SCAPER: variants seen among roughly 807,000 people sequenced by gnomAD.
SCAPER encodes the protein S phase cyclin A-associated protein in the endoplasmic reticulum.
SCAPER carries 98 observed loss-of-function variants against 182.2 expected under a neutral mutation model. The observed-to-expected ratio is 0.54, with a 90% CI of 0.46 to 0.64. The LOEUF is 0.64. SCAPER is among the 30% of genes least tolerant of loss of function. The probability of loss-of-function intolerance (pLI) is 0.00; values close to 1 mark genes in which losing one functional copy is unlikely to be tolerated. For synonymous variants in SCAPER, 605 were observed against 564.6 expected (o/e 1.07, Z -1.01); for missense variants, 1,432 against 1,690.0 (o/e 0.85, Z 2.68).
chr15:76,781,002 G>A (rs111327464), intron 8 of SCAPER, among the ~76,000 whole-genome samples: 11 of 152,252 alleles, frequency 7.2e-5, no homozygotes, highest in East Asian at 3.9e-4. Context: ...ACAGCTCCCC[G>A]CCAGCAATGG....
intron 25 of SCAPER, among the ~76,000 whole-genome samples, chr15:76,457,976 G>C (rs74643122): frequency 6.6e-6 from 1 of 151,696 alleles, no homozygotes; most frequent in South Asian, 2.1e-4. Flanking sequence ...ATTCTCGGAG[G>C]TGTATATATA....
chr15:76,511,073 T>C (rs1455556704), intron 23 of SCAPER, among the ~76,000 whole-genome samples: 1 of 152,128 alleles, frequency 6.6e-6, no homozygotes, highest in Admixed American at 6.5e-5. Context: ...GGCATAAGAA[T>C]GATACAATGA....
At chr15:76,709,292 C>T (rs549112797) in intron 17 of SCAPER, among the ~76,000 whole-genome samples, 2 of 151,996 alleles carry the variant, frequency 1.3e-5, no homozygotes, top group Non-Finnish European at 2.9e-5. Flanking sequence ...CCACCATGCA[C>T]GCCCAGCTAA....
At chr15:76,583,275 C>T (rs901437308) in intron 22 of SCAPER, among the ~76,000 whole-genome samples, 1 of 149,402 alleles carries the variant, frequency 6.7e-6, no homozygotes, top group African/African-American at 2.5e-5. Context: ...TGCTTGAACC[C>T]GGAAGGCAGA....
intron 7 of SCAPER, 119 bp downstream of exon 7, chr15:76,800,129 G>A (rs1036061738): frequency 4.2e-6 from 1 of 238,722 alleles, no homozygotes; most frequent in African/African-American, 2.3e-5. Flanking sequence ...CCTGTATACA[G>A]TATTCTGCAT....
intron 22 of SCAPER, among the ~76,000 whole-genome samples, chr15:76,606,569 C>A (rs1419824960): frequency 6.6e-6 from 1 of 151,614 alleles, no homozygotes; most frequent in African/African-American, 2.4e-5. Flanking sequence ...CCTGGATATC[C>A]TTGTTAACTT....
chr15:76,740,693 T>C lies in SCAPER; in HGVS notation c.1867-7309A>G, dbSNP rs140226656. 1.5e-3 allele frequency among the ~76,000 whole-genome samples: 233 copies of C among 152,240 alleles called. 2 individuals carry two copies. Among genetic ancestry groups the C allele is most frequent in the African/African-American group, 5.0e-3 (209 of 41,556 alleles). On this transcript the variant is annotated intron_variant, in intron 15 of 31. Coordinates refer to ENST00000563290, the MANE Select transcript of SCAPER (RefSeq NM_020843.4). Reference sequence around the variant, plus strand: ...CAAGGGACAGAGCATATATGAGCTTTTCCTAGAAAAAAGTTTTTTTCTTAA... The same window carrying C: ...CAAGGGACAGAGCATATATGAGCTTCTCCTAGAAAAAAGTTTTTTTCTTAA...
intron 20 of SCAPER, among the ~76,000 whole-genome samples, chr15:76,682,762 C>A (rs1231614292): frequency 1.3e-5 from 2 of 152,146 alleles, no homozygotes; most frequent in Non-Finnish European, 2.9e-5. Context: ...ACTAGCCCCC[C>A]AGAGTTACAG....
At position 76,602,009 on chromosome 15, in the gene SCAPER, T is replaced by C. The variant is rs190343685; in HGVS notation, c.2711+19755A>G. Among the ~76,000 whole-genome samples, 595 of 121,274 alleles carry C rather than the reference T, an allele frequency of 4.9e-3. 166 individuals are homozygous for C. Among genetic ancestry groups the C allele is most frequent in the South Asian group, 0.02 (79 of 3,906 alleles). 79.6% of individuals were successfully genotyped at this position (121,274 alleles called of 152,430 possible). A position where few individuals can be genotyped will look rare whatever the true frequency, so the allele number is the denominator to read the frequency against. ...TTTATATCCTGAGAATACTACATTTTCAATCCGTGTTTGGTTGAAAACATC... is the reference window on the plus strand; with the variant it reads ...TTTATATCCTGAGAATACTACATTTCCAATCCGTGTTTGGTTGAAAACATC... On this transcript the variant is annotated intron_variant, in intron 22 of 31. Transcript: ENST00000563290.
chr15:76,858,030 T>C (rs2071555120), intron 3 of SCAPER, among the ~76,000 whole-genome samples, 151 bp from the exon 4 acceptor site: 1 of 152,176 alleles, frequency 6.6e-6, no homozygotes, highest in Non-Finnish European at 1.5e-5. Context: ...CACAGTATAG[T>C]ACAGTCTGTT....
intron 25 of SCAPER, among the ~76,000 whole-genome samples, chr15:76,457,994 T>A (rs1048737734): frequency 9.9e-5 from 15 of 152,146 alleles, no homozygotes; most frequent in African/African-American, 3.4e-4. Context: ...ATATTTAATA[T>A]GAAAATGTAT....
chr15:76,903,055 G>A lies in SCAPER; in HGVS notation c.-60+2244C>T, dbSNP rs1052299613. ...CAGCCTGGGTGACAGAGTGAGACTC[G>A]GTTTCAAAAAAAAAAAAAAGAAAGT... On this transcript the variant is annotated intron_variant, in intron 1 of 31. Coordinates refer to ENST00000563290, the MANE Select transcript of SCAPER (RefSeq NM_020843.4). Among the ~76,000 whole-genome samples the A allele has an allele frequency of 1.1e-4, 9 of 82,918 alleles. No homozygotes were observed. In the East Asian group the frequency reaches 1.3e-3, roughly 12 times the overall value. The allele number at this position is 82,918 out of a possible 152,430, so 54.4% of individuals were successfully genotyped here. A position where few individuals can be genotyped will look rare whatever the true frequency, so the allele number is the denominator to read the frequency against.
intron 23 of SCAPER, among the ~76,000 whole-genome samples, chr15:76,551,415 A>T (rs2045759381): frequency 6.6e-6 from 1 of 152,202 alleles, no homozygotes; most frequent in South Asian, 2.1e-4. Flanking sequence ...GGCAACCTGG[A>T]TACACTTGGA....
At chr15:76,464,378 C>T (rs1177905709) in intron 25 of SCAPER, among the ~76,000 whole-genome samples, 1 of 151,894 alleles carries the variant, frequency 6.6e-6, no homozygotes. Context: ...ATTGTTTGTA[C>T]AGTTGTCCCT....
intron 22 of SCAPER, among the ~76,000 whole-genome samples, chr15:76,617,086 T>G (rs2146026444): frequency 6.6e-6 from 1 of 152,300 alleles, no homozygotes; most frequent in South Asian, 2.1e-4. Context: ...CTCTTTATCA[T>G]TTTTGTTGTA....
intron 7 of SCAPER, among the ~76,000 whole-genome samples, chr15:76,799,349 G>A (rs1455733146): frequency 6.7e-6 from 1 of 148,216 alleles, no homozygotes; most frequent in Non-Finnish European, 1.5e-5. Flanking sequence ...ACAGTGGCGT[G>A]ATATTGGCTC....
intron 1 of SCAPER, among the ~76,000 whole-genome samples, chr15:76,887,347 G>C (rs2073895534): frequency 6.6e-6 from 1 of 152,170 alleles, no homozygotes; most frequent in African/African-American, 2.4e-5. Context: ...AAGCAGGCCG[G>C]GGCATCGCCT....
chr15:76,888,305 G>C (rs926279904), intron 1 of SCAPER, among the ~76,000 whole-genome samples: 1 of 152,184 alleles, frequency 6.6e-6, no homozygotes, highest in Non-Finnish European at 1.5e-5. Context: ...ACCAGCAACA[G>C]AACAAAGCTG....
Position 76,495,791 on chromosome 15 carries a change from A to G in SCAPER, c.2954+9068T>C, listed in dbSNP as rs188559064. The stretch of plus-strand genomic sequence containing the variant: ...TTTTCTTCATTCTGTTCAGCACAGT[A>G]AAATGACTTAACTAAGAAAAGATCA... On this transcript the variant is annotated intron_variant, in intron 24 of 31. Transcript: ENST00000563290. 8.6e-5 allele frequency among the ~76,000 whole-genome samples: 13 copies of G among 152,042 alleles called. No individual in the cohort carries two copies. The East Asian group carries it at 2.3e-3, about 27-fold the overall frequency.
Sources: allele counts gnomAD v4.1 joint callset (sites outside exome capture counted in the v4.1 genomes callset), GRCh38; gene constraint gnomAD v4.1.1; transcripts MANE v1.5; gene names NCBI Gene and HGNC (gene_info 2026-07-23, HGNC 2026-07-21).